The following ADCY10 variants were observed in gnomAD, a reference collection of about 807,000 sequenced individuals.
The protein encoded by ADCY10 is adenylate cyclase type 10.
A neutral mutation model predicts 183.3 loss-of-function variants in ADCY10; 156 were observed. The ratio of observed to expected loss-of-function variants is 0.85; its 90% CI spans 0.75 to 0.97. The LOEUF (loss-of-function observed/expected upper bound fraction) is 0.97, where lower values mean the gene tolerates loss of function less well. Among genes scored for constraint, ADCY10 ranks in the 50% least tolerant of loss-of-function variants. The pLI is 0.00. For synonymous variants in ADCY10, 645 were observed against 670.0 expected (o/e 0.96, Z 0.58); for missense variants, 1,745 against 1,934.3 (o/e 0.90, Z 1.84).
At position 167,850,581 on chromosome 1, in the gene ADCY10, T is replaced by C. The variant is rs112094746; in HGVS notation, c.2309-2092A>G. Among the ~76,000 whole-genome samples, 31 of 151,936 alleles carry C rather than the reference T, an allele frequency of 2.0e-4. 1 individual carries two copies. Among genetic ancestry groups the C allele is most frequent in the African/African-American group, 7.2e-4 (30 of 41,426 alleles). ...GACCCAGGTAGAGAGCCAAGGATTA[T>C]CTGAGGACTGGTCAGAGAGGGGAAC... On this transcript the variant is annotated intron_variant, in intron 18 of 32. Coordinates refer to ENST00000367851, the MANE Select transcript of ADCY10 (RefSeq NM_018417.6).
Position 167,856,203 on chromosome 1 carries a change from A to G in ADCY10, c.2133T>C (p.Leu711=), listed in dbSNP as rs1429974655. 9 of 1,613,834 alleles carry G rather than the reference A, an allele frequency of 5.6e-6. No homozygotes were observed. Among genetic ancestry groups the G allele is most frequent in the African/African-American group, 1.3e-5 (1 of 74,922 alleles). ...TGGAGATGCAGCTCACATTGAGGTC[A>G]AGACAGATCTTGTTGGAGATGTCGT... is the stretch of plus-strand genomic sequence containing the variant. ...QPNDISNKIC[L]DLNVSCISKE... The change falls in exon 17 of 33, where the codon CTT becomes CTC. Residue 711 remains leucine, a synonymous_variant. Transcript: ENST00000367851.
Position 167,860,947 on chromosome 1 carries a change from G to T in ADCY10, c.1733C>A (p.Thr578Asn), listed in dbSNP as rs1169122851. The stretch of plus-strand genomic sequence containing the variant: ...TGTCATGACTTTATTTCGAAGGTTG[G>T]TCTGTCGTTCTTTATAATGTTTACA... ...DTCKHYKERQ[T>N]NLRNKVMTLL... The change falls in exon 15 of 33, where the codon ACC becomes AAC. Residue 578 changes from threonine (T) to asparagine (N), a missense_variant. By Grantham distance (65) the Thr-to-Asn change is moderately conservative. Transcript: ENST00000367851. 9 of 1,614,142 alleles carry T rather than the reference G, an allele frequency of 5.6e-6. No individual in the cohort carries two copies. The highest frequency in any genetic ancestry group is 1.7e-5 in the Admixed American group (1 of 60,030).
intron 13 of ADCY10, among the ~76,000 whole-genome samples, 183 bp downstream of exon 13, chr1:167,874,948 G>A (rs1244760211): frequency 1.3e-5 from 2 of 152,136 alleles, no homozygotes; most frequent in African/African-American, 4.8e-5. Flanking sequence ...AGAAGACTTT[G>A]GGGAAAGGAA....
chr1:167,883,975 A>G (rs964283641), intron 8 of ADCY10, among the ~76,000 whole-genome samples: 1 of 152,174 alleles, frequency 6.6e-6, no homozygotes, highest in Non-Finnish European at 1.5e-5. Context: ...TAATTTTTGT[A>G]GGTCTATAGT....
Position 167,809,600 on chromosome 1 carries a change from G to T in ADCY10, c.*78C>A. The T allele has an allele frequency of 6.7e-7, 1 of 1,487,660 alleles. No individual in the cohort carries two copies. The allele number at this position is 1,487,660 out of a possible 1,614,324, so 92.2% of individuals were successfully genotyped here. ...AAGAGATTATGTAGGAACCTGGAGTGGGCCAGCCACGGAGAAAGGTCAATA... is the reference window on the plus strand; with the variant it reads ...AAGAGATTATGTAGGAACCTGGAGTTGGCCAGCCACGGAGAAAGGTCAATA... On this transcript the variant is annotated 3_prime_UTR_variant, in exon 33 of 33. Transcript: ENST00000367851.
rs371279568 is a variant in ADCY10 at position 167,829,291 on chromosome 1, T to G, written c.3726A>C (p.Ala1242=). Residue 1242 remains alanine, a synonymous_variant, in exon 26 of 33, where the codon GCA becomes GCC. Coordinates refer to ENST00000367851, the MANE Select transcript of ADCY10 (RefSeq NM_018417.6). Reference sequence around the variant, plus strand: ...CCTGGAAACAATTTTGAGTTTCCAGTGCAGTATTCATTTGCATCATAACTG... The same window carrying G: ...CCTGGAAACAATTTTGAGTTTCCAGGGCAGTATTCATTTGCATCATAACTG... The part of the protein sequence containing the change: ...HLAVMMQMNT[A]LETQNCFQII... 6.2e-7 allele frequency: 1 copy of G among 1,614,082 alleles called. No homozygotes were observed. Among genetic ancestry groups the G allele is most frequent in the Non-Finnish European group, 8.5e-7 (1 of 1,179,930 alleles).
chr1:167,907,182 G>A (rs1373778606), intron 1 of ADCY10, among the ~76,000 whole-genome samples: 2 of 152,220 alleles, frequency 1.3e-5, no homozygotes, highest in Non-Finnish European at 2.9e-5. Context: ...AACAAGAGAT[G>A]GGCTGGAATA....
intron 13 of ADCY10, among the ~76,000 whole-genome samples, chr1:167,873,056 T>G (rs560215923): frequency 4.8e-4 from 73 of 151,360 alleles, no homozygotes; most frequent in African/African-American, 1.7e-3. Flanking sequence ...GGCGACAGAG[T>G]GAGACTCTGT....
At chr1:167,880,798 G>A (rs1001393951) in intron 9 of ADCY10, among the ~76,000 whole-genome samples, 189 bp from the exon 10 acceptor site, 2 of 152,222 alleles carry the variant, frequency 1.3e-5, no homozygotes, top group Admixed American at 6.5e-5. Context: ...AGGAGGGCTT[G>A]AGCCTTGAGA....
In ADCY10 at chr1:167,833,832, T is replaced by C. The variant is rs376049860; in HGVS notation, c.3417+138A>G. The C allele has an allele frequency of 4.6e-5, 32 of 701,738 alleles. 2 individuals are homozygous for C. The highest frequency in any genetic ancestry group is 2.1e-4 in the African/African-American group (12 of 56,360). 43.5% of individuals were successfully genotyped at this position (701,738 alleles called of 1,614,324 possible). A position where few individuals can be genotyped will look rare whatever the true frequency, so the allele number is the denominator to read the frequency against. On this transcript the variant is annotated intron_variant, in intron 24 of 32. Coordinates refer to ENST00000367851, the MANE Select transcript of ADCY10 (RefSeq NM_018417.6). ...GGTGAGGAGGTTGGAGCCCAGGGAT[T>C]TGAGTTTCTAGAGTCTTGGCTAGAA...
chr1:167,902,699 A>T (rs1669519393), intron 3 of ADCY10, among the ~76,000 whole-genome samples: 1 of 152,210 alleles, frequency 6.6e-6, no homozygotes, highest in African/African-American at 2.4e-5. Flanking sequence ...TTACTAAGGA[A>T]CTCAGAGTCT....
chr1:167,867,425 CAGTAT>C (rs1666783314), intron 14 of ADCY10, among the ~76,000 whole-genome samples: 1 of 152,144 alleles, frequency 6.6e-6, no homozygotes, highest in African/African-American at 2.4e-5. Context: ...GAACTGTTCC[CAGTAT>C]ATACATCAAG....
intron 23 of ADCY10, among the ~76,000 whole-genome samples, chr1:167,835,357 A>G (rs138995972): frequency 1.1e-3 from 166 of 152,370 alleles, no homozygotes; most frequent in Non-Finnish European, 2.1e-3. Context: ...ATCTAAAGGC[A>G]TCTATTTACC....
intron 8 of ADCY10, among the ~76,000 whole-genome samples, chr1:167,891,499 A>T (rs958020498): frequency 1.1e-4 from 16 of 151,710 alleles, no homozygotes; most frequent in Non-Finnish European, 2.1e-4. Context: ...TACTAAAAAT[A>T]CAAAAACGTA....
intron 1 of ADCY10, among the ~76,000 whole-genome samples, chr1:167,907,506 T>C (rs1669897802): frequency 1.3e-5 from 2 of 152,168 alleles, no homozygotes; most frequent in Non-Finnish European, 2.9e-5. Flanking sequence ...CTCATTCTAC[T>C]CCCAGAAGTG....
chr1:167,884,609 C>A (rs1372923616), intron 8 of ADCY10, among the ~76,000 whole-genome samples: 4 of 152,012 alleles, frequency 2.6e-5, no homozygotes, highest in African/African-American at 9.7e-5. Flanking sequence ...TTGACCACCC[C>A]CAATTCCTCC....
rs757907800 is a variant in ADCY10, at chr1:167,856,384, G to A, written c.1952C>T (p.Ser651Leu). The A allele has an allele frequency of 3.1e-6, 5 of 1,614,004 alleles. No individual in the cohort carries two copies. Among genetic ancestry groups the A allele is most frequent in the East Asian group, 4.5e-5 (2 of 44,900 alleles). ...FIIDEAQFVDSTSWRFMEKLI... is the reference protein window; with the variant it reads ...FIIDEAQFVDLTSWRFMEKLI... The stretch of plus-strand genomic sequence containing the variant: ...CTTCTCCATAAATCTCCAGGAGGTC[G>A]AATCCACAAACTGGGCCTCATCAAT... The change falls in exon 17 of 33, where the codon TCG (serine) becomes TTG (leucine). Residue 651 changes from serine (S) to leucine (L), a missense_variant. Coordinates refer to ENST00000367851, the MANE Select transcript of ADCY10 (RefSeq NM_018417.6).
At chr1:167,859,735 T>C in intron 16 of ADCY10, 72 bp downstream of exon 16, 1 of 1,213,830 alleles carries the variant, frequency 8.2e-7, no homozygotes, top group African/African-American at 1.5e-5. Context: ...TCTGAACTCC[T>C]CAAACCACCT....
intron 9 of ADCY10, 54 bp downstream of exon 9, chr1:167,883,383 A>G: frequency 3.1e-6 from 5 of 1,589,818 alleles, no homozygotes; most frequent in Non-Finnish European, 4.3e-6. Context: ...GTGCTTGTCC[A>G]TGAATGCTAA....
Sources: gnomAD v4.1 joint callset for allele counts (sites outside exome capture counted in the v4.1 genomes callset) on GRCh38, gnomAD v4.1.1 for gene constraint, MANE v1.5 for transcripts, NCBI Gene and HGNC (gene_info 2026-07-23, HGNC 2026-07-21) for gene names.